The following PPP6R3 variants were observed in gnomAD, a reference collection of about 807,000 sequenced individuals.
PPP6R3 encodes serine/threonine-protein phosphatase 6 regulatory subunit 3.
A neutral mutation model predicts 110.7 loss-of-function variants in PPP6R3; 38 were observed. That is an observed-to-expected ratio of 0.34 (90% CI 0.26 to 0.45). The LOEUF (loss-of-function observed/expected upper bound fraction) is 0.45, where lower values mean the gene tolerates loss of function less well. Among genes scored for constraint, PPP6R3 ranks in the 20% least tolerant of loss-of-function variants. The probability of loss-of-function intolerance (pLI) is 1.00; values close to 1 mark genes in which losing one functional copy is unlikely to be tolerated. For synonymous variants in PPP6R3, 369 were observed against 373.5 expected (o/e 0.99, Z 0.14); for missense variants, 870 against 1,062.4 (o/e 0.82, Z 2.52).
chr11:68,489,323 C>CT (rs1336572509), intron 1 of PPP6R3, among the ~76,000 whole-genome samples: 2 of 152,074 alleles, frequency 1.3e-5, no homozygotes, highest in Non-Finnish European at 2.9e-5. Flanking sequence ...CTTTTTCTGC[C>CT]TTTTTTGGTT....
At chr11:68,565,874 G>A (rs1200234253) in intron 9 of PPP6R3, among the ~76,000 whole-genome samples, 1 of 152,146 alleles carries the variant, frequency 6.6e-6, no homozygotes, top group African/African-American at 2.4e-5. Context: ...AATTAGAGCT[G>A]TTTTCCATAG....
At chr11:68,583,280 C>G (rs569223885) in intron 15 of PPP6R3, among the ~76,000 whole-genome samples, 151 bp downstream of exon 15, 2 of 152,268 alleles carry the variant, frequency 1.3e-5, no homozygotes, top group South Asian at 4.1e-4. Flanking sequence ...ATAGGAAGTG[C>G]TGGGTAAATG....
Position 68,548,311 on chromosome 11 carries a change from A to G in PPP6R3, c.552+107A>G, listed in dbSNP as rs369339583. 1.4e-5 allele frequency: 20 copies of G among 1,416,998 alleles called. 1 individual carries two copies. In the Admixed American group the frequency reaches 2.5e-4, roughly 18 times the overall value. 87.8% of individuals were successfully genotyped at this position (1,416,998 alleles called of 1,614,324 possible). ...AATGCATGGGATTAGGGTTGGTAGC[A>G]GAGGGTTGTCTGGGGAGCCGGTAAC... On this transcript the variant is annotated intron_variant, in intron 5 of 23. Transcript: ENST00000393800.
intron 15 of PPP6R3, among the ~76,000 whole-genome samples, chr11:68,585,307 C>T (rs1211973504): frequency 6.6e-6 from 1 of 152,188 alleles, no homozygotes; most frequent in Non-Finnish European, 1.5e-5. Flanking sequence ...AACACTGACT[C>T]ATCATTTCCC....
intron 1 of PPP6R3, among the ~76,000 whole-genome samples, chr11:68,482,004 A>G (rs965039847): frequency 1.3e-5 from 2 of 152,090 alleles, no homozygotes; most frequent in African/African-American, 4.8e-5. Context: ...TGGTTTGACC[A>G]CTGACTACCT....
chr11:68,476,722 A>G lies in PPP6R3; in HGVS notation c.-158+15895A>G, dbSNP rs964411240. Among the ~76,000 whole-genome samples the G allele has an allele frequency of 2.6e-5, 4 of 152,240 alleles. No homozygotes were observed. The East Asian group carries it at 5.8e-4, about 22-fold the overall frequency. Reference sequence around the variant, plus strand: ...TTTAAAATCTTTGTTATTGATGACAAACTTAAATTGTGTTAATAGGGCTGG... The same window carrying G: ...TTTAAAATCTTTGTTATTGATGACAGACTTAAATTGTGTTAATAGGGCTGG... On this transcript the variant is annotated intron_variant, in intron 1 of 23. Coordinates refer to ENST00000393800, the MANE Select transcript of PPP6R3 (RefSeq NM_001164161.2).
intron 1 of PPP6R3, among the ~76,000 whole-genome samples, chr11:68,508,554 C>T (rs924374955): frequency 2.6e-5 from 4 of 152,094 alleles, no homozygotes; most frequent in Admixed American, 1.3e-4. Flanking sequence ...ACAGTGCCAG[C>T]GCAAAAGGTT....
In PPP6R3 at chr11:68,519,577, C is replaced by T. The variant is rs755347342; in HGVS notation, c.-81C>T. On this transcript the variant is annotated 5_prime_UTR_variant, in exon 2 of 24. Coordinates refer to ENST00000393800, the MANE Select transcript of PPP6R3 (RefSeq NM_001164161.2). ...GCAGTAAATTGGAGGAAAACTGTTA[C>T]CAGGATAACCTGTAATGGGCAAGGA... is the stretch of plus-strand genomic sequence containing the variant. The T allele has an allele frequency of 5.0e-6, 2 of 398,334 alleles. No homozygotes were observed. Among genetic ancestry groups the T allele is most frequent in the African/African-American group, 2.1e-5 (1 of 48,570 alleles). 24.7% of individuals were successfully genotyped at this position (398,334 alleles called of 1,614,324 possible). A position where few individuals can be genotyped will look rare whatever the true frequency, so the allele number is the denominator to read the frequency against.
chr11:68,467,582 C>G (rs2098757444), intron 1 of PPP6R3, among the ~76,000 whole-genome samples: 1 of 152,178 alleles, frequency 6.6e-6, no homozygotes, highest in Non-Finnish European at 1.5e-5. Flanking sequence ...CCTGAGAACA[C>G]ATGTCACACT....
At chr11:68,514,486 T>C (rs1319510404) in intron 1 of PPP6R3, among the ~76,000 whole-genome samples, 1 of 152,232 alleles carries the variant, frequency 6.6e-6, no homozygotes, top group Non-Finnish European at 1.5e-5. Flanking sequence ...AATTATACCT[T>C]GTATCCTTGC....
At chr11:68,582,890 T>G (rs922950379) in intron 14 of PPP6R3, among the ~76,000 whole-genome samples, 153 bp from the exon 15 acceptor site, 7 of 152,242 alleles carry the variant, frequency 4.6e-5, no homozygotes, top group Non-Finnish European at 8.8e-5. Context: ...CTTGACACAT[T>G]GGGCGGGTTT....
intron 4 of PPP6R3, among the ~76,000 whole-genome samples, chr11:68,545,688 T>G (rs926720626): frequency 6.6e-6 from 1 of 152,250 alleles, no homozygotes; most frequent in African/African-American, 2.4e-5. Context: ...CCAGACCTGC[T>G]GAATCAGAAA....
chr11:68,496,450 G>A (rs1380468712), intron 1 of PPP6R3, among the ~76,000 whole-genome samples: 1 of 151,918 alleles, frequency 6.6e-6, no homozygotes, highest in African/African-American at 2.4e-5. Flanking sequence ...GGCTGGGACT[G>A]TAGATGTGTG....
chr11:68,565,840 A>G (rs909738209), intron 9 of PPP6R3, among the ~76,000 whole-genome samples: 1 of 152,188 alleles, frequency 6.6e-6, no homozygotes, highest in Non-Finnish European at 1.5e-5. Context: ...AAGTAGATCC[A>G]TGAAGTTTTT....
In PPP6R3 at chr11:68,609,956, G is replaced by A. The variant is rs1328251615; in HGVS notation, c.2503G>A (p.Glu835Lys). Residue 835 changes from glutamate (E) to lysine (K), a missense_variant, in exon 23 of 24, where the codon GAG becomes AAG. Coordinates refer to ENST00000393800, the MANE Select transcript of PPP6R3 (RefSeq NM_001164161.2). ...SQDAACKDAEECPETAEAKCA... is the reference protein window; with the variant it reads ...SQDAACKDAEKCPETAEAKCA... ...AGATGCTGCTTGTAAAGACGCAGAG[G>A]AGTGTCCCGAGACTGCAGAGGCGAA... 22 of 1,614,074 alleles carry A rather than the reference G, an allele frequency of 1.4e-5. No individual in the cohort carries two copies. The Admixed American group carries it at 3.7e-4, about 27-fold the overall frequency.
chr11:68,578,605 T>C (rs1215068250), intron 14 of PPP6R3, among the ~76,000 whole-genome samples: 2 of 152,234 alleles, frequency 1.3e-5, no homozygotes, highest in Non-Finnish European at 2.9e-5. Flanking sequence ...TTTTTCTGTT[T>C]ACAGCAAGGA....
At chr11:68,499,346 G>C (rs1387541775) in intron 1 of PPP6R3, among the ~76,000 whole-genome samples, 1 of 152,126 alleles carries the variant, frequency 6.6e-6, no homozygotes, top group African/African-American at 2.4e-5. Context: ...TGGCAAGTAG[G>C]TTCTGGTTCT....
intron 1 of PPP6R3, among the ~76,000 whole-genome samples, chr11:68,497,355 CTG>C (rs2099023753): frequency 6.6e-6 from 1 of 150,646 alleles, no homozygotes. Flanking sequence ...CGTCCGGCCT[CTG>C]TATTCCTGTC....
chr11:68,608,698 A>G (rs562183106), intron 22 of PPP6R3, among the ~76,000 whole-genome samples: 52 of 152,354 alleles, frequency 3.4e-4, no homozygotes, highest in Non-Finnish European at 5.7e-4. Flanking sequence ...GTGCTGTGCC[A>G]CAGTCAGTGG....
Sources: allele counts gnomAD v4.1 joint callset (sites outside exome capture counted in the v4.1 genomes callset), GRCh38; gene constraint gnomAD v4.1.1; transcripts MANE v1.5; gene names NCBI Gene and HGNC (gene_info 2026-07-23, HGNC 2026-07-21).